Variants in GPHN observed in about 807,000 individuals in gnomAD.
The protein encoded by GPHN is gephyrin.
Under a neutral mutation model 95.5 loss-of-function variants are expected in GPHN, and 17 were observed. The observed-to-expected ratio is 0.18, with a 90% confidence interval of 0.12 to 0.27. The LOEUF (loss-of-function observed/expected upper bound fraction) is 0.27, where lower values mean the gene tolerates loss of function less well. Ranked by LOEUF, GPHN falls within the 10% of genes least tolerant of loss-of-function variation. The pLI, the probability that GPHN is intolerant of heterozygous loss-of-function variation, is 1.00. For synonymous variants in GPHN, 320 were observed against 322.5 expected, an observed-to-expected ratio of 0.99 and a Z score of 0.08; for missense variants, 660 against 978.1, an observed-to-expected ratio of 0.67 and a Z score of 4.34.
At chr14:67,604,163 G>A in the GPHN span, among the ~76,000 whole-genome samples, 2 of 152,120 alleles carry the variant, frequency 1.3e-5, no homozygotes, top group Non-Finnish European at 2.9e-5. Flanking sequence ...TTCTTACTGG[G>A]ATGGATAGGC....
chr14:66,594,675 G>A (rs1428872873), intron 1 of GPHN, among the ~76,000 whole-genome samples: 1 of 152,098 alleles, frequency 6.6e-6, no homozygotes, highest in East Asian at 1.9e-4. Flanking sequence ...ATCTCAAAAT[G>A]GATTAAATGC....
chr14:67,690,004 A>G, the GPHN span: 1 of 550,082 alleles, frequency 1.8e-6, no homozygotes, highest in East Asian at 3.2e-5. Flanking sequence ...TAGTAAAGCC[A>G]GGCCTTCAGA....
At chr14:67,662,188 A>G in the GPHN span, among the ~76,000 whole-genome samples, 5 of 152,072 alleles carry the variant, frequency 3.3e-5, no homozygotes, top group African/African-American at 9.7e-5. Flanking sequence ...ACAAAAAAAA[A>G]AACAACAGAT....
chr14:67,350,695 A>G, the GPHN span: 1 of 1,612,704 alleles, frequency 6.2e-7, no homozygotes, highest in South Asian at 1.1e-5. Context: ...TTTAGTCTGG[A>G]AAAGCATAAA....
chr14:66,885,233 G>A (rs1309843199), intron 5 of GPHN, among the ~76,000 whole-genome samples: 2 of 151,932 alleles, frequency 1.3e-5, no homozygotes, highest in Admixed American at 1.3e-4. Context: ...AGCATAAGAT[G>A]GCAGAGTAGT....
chr14:67,025,857 C>T (rs2073898230), intron 10 of GPHN, among the ~76,000 whole-genome samples: 1 of 152,146 alleles, frequency 6.6e-6, no homozygotes. Context: ...CTTTCGTGGC[C>T]ACCAAATGTG....
intron 10 of GPHN, among the ~76,000 whole-genome samples, chr14:67,038,987 G>T (rs1311993271): frequency 6.6e-6 from 1 of 152,118 alleles, no homozygotes; most frequent in African/African-American, 2.4e-5. Flanking sequence ...GATTGCAGTA[G>T]CATAATAATT....
At chr14:66,875,827 A>G (rs975912288) in intron 4 of GPHN, among the ~76,000 whole-genome samples, 23 of 152,264 alleles carry the variant, frequency 1.5e-4, no homozygotes, top group Middle Eastern at 3.4e-3. Context: ...CCCCACTGTC[A>G]ATGTTAGACA....
At chr14:66,538,781 GT>G (rs11390341) in intron 1 of GPHN, among the ~76,000 whole-genome samples, 231 of 130,124 alleles carry the variant, frequency 1.8e-3, no homozygotes, top group Middle Eastern at 4.7e-3. Context: ...ATTTTTTCTT[GT>G]TTTTTTTTTT....
chr14:67,508,753 C>CAAA, the GPHN span, among the ~76,000 whole-genome samples: 66 of 46,726 alleles, frequency 1.4e-3, 5 homozygotes, highest in Admixed American at 3.2e-3. Flanking sequence ...AACCTTGTCT[C>CAAA]AAAAAAAAAA....
chr14:67,392,605 G>C, the GPHN span: 4 of 1,505,108 alleles, frequency 2.7e-6, no homozygotes, highest in Non-Finnish European at 3.7e-6. Context: ...CCCCCATTCT[G>C]TTGTGTCTTC....
chr14:67,168,940 T>C lies in GPHN; in HGVS notation c.1983T>C (p.Pro661=). 2 of 1,605,098 alleles carry C rather than the reference T, an allele frequency of 1.2e-6. No individual in the cohort carries two copies. The highest frequency in any genetic ancestry group is 1.7e-6 in the Non-Finnish European group (2 of 1,171,704). Residue 661 remains proline (P), a synonymous_variant, in exon 21 of 23, where the codon CCT becomes CCC. Coordinates refer to ENST00000478722, the MANE Select transcript of GPHN (RefSeq NM_020806.5). ...RKIIFALPGN[P]VSAVVTCNLF... ...TGCTTGGTTGACTTTCAGGGAATCCTGTATCGGCTGTGGTCACCTGCAATC... is the reference window on the plus strand; with the variant it reads ...TGCTTGGTTGACTTTCAGGGAATCCCGTATCGGCTGTGGTCACCTGCAATC...
At chr14:66,820,726 C>T (rs1566979481) in intron 3 of GPHN, among the ~76,000 whole-genome samples, 1 of 152,116 alleles carries the variant, frequency 6.6e-6, no homozygotes, top group African/African-American at 2.4e-5. Context: ...AAATGGAGAA[C>T]TGTGTGTCTC....
At chr14:67,296,409 G>A in the GPHN span, among the ~76,000 whole-genome samples, 1 of 151,886 alleles carries the variant, frequency 6.6e-6, no homozygotes, top group African/African-American at 2.4e-5. Flanking sequence ...GACCATCCTG[G>A]CTAACATGGT....
the GPHN span, among the ~76,000 whole-genome samples, chr14:67,542,218 T>G: frequency 3.3e-5 from 5 of 152,354 alleles, no homozygotes; most frequent in African/African-American, 1.2e-4. Flanking sequence ...AAAGACATGC[T>G]GCCAATCTTC....
At position 66,876,189 on chromosome 14, in the gene GPHN, C is replaced by T. The variant is rs571301288; in HGVS notation, c.295-3750C>T. ...AAATTAAGGCAGAAATAAATAAGTT[C>T]TTTGAAACCAATGAGAACAAAGACA... On this transcript the variant is annotated intron_variant, in intron 4 of 22. Coordinates refer to ENST00000478722, the MANE Select transcript of GPHN (RefSeq NM_020806.5). Among the ~76,000 whole-genome samples, 4 of 152,230 alleles carry T rather than the reference C, an allele frequency of 2.6e-5. No individual in the cohort carries two copies. The South Asian group carries it at 8.3e-4, about 32-fold the overall frequency.
intron 4 of GPHN, among the ~76,000 whole-genome samples, chr14:66,865,214 T>C (rs2063180372): frequency 6.6e-6 from 1 of 151,954 alleles, no homozygotes; most frequent in African/African-American, 2.4e-5. Flanking sequence ...TAGTCAATAA[T>C]AATTTAATTA....
At chr14:67,014,547 A>T (rs893025061) in intron 9 of GPHN, among the ~76,000 whole-genome samples, 1 of 152,206 alleles carries the variant, frequency 6.6e-6, no homozygotes, top group East Asian at 1.9e-4. Context: ...TAGGAATGCA[A>T]TGATTGTCAT....
chr14:66,681,305 A>G (rs2066920489), intron 2 of GPHN, 120 bp downstream of exon 2: 1 of 694,756 alleles, frequency 1.4e-6, no homozygotes, highest in Admixed American at 2.3e-5. Flanking sequence ...TTTTCTAATA[A>G]TGCGTTTTAC....
Sources: gnomAD v4.1 joint callset for allele counts (sites outside exome capture counted in the v4.1 genomes callset) on GRCh38, gnomAD v4.1.1 for gene constraint, MANE v1.5 for transcripts, NCBI Gene and HGNC (gene_info 2026-07-23, HGNC 2026-07-21) for gene names.